The following MUC4 variants were observed in gnomAD, a reference collection of about 807,000 sequenced individuals.
The protein encoded by MUC4 is mucin-4.
A neutral mutation model predicts 257.9 loss-of-function variants in MUC4; 202 were observed. The ratio of observed to expected loss-of-function variants is 0.78; its 90% CI spans 0.70 to 0.88. MUC4 has a LOEUF of 0.88. Among genes scored for constraint, MUC4 ranks in the 40% least tolerant of loss-of-function variants. MUC4 has a pLI of 0.00. For missense variants in MUC4, 5,976 were observed against 6,513.7 expected, an observed-to-expected ratio of 0.92 and a Z score of 2.84; for synonymous variants, 2,351 against 2,757.1, an observed-to-expected ratio of 0.85 and a Z score of 4.62.
intron 1 of MUC4, among the ~76,000 whole-genome samples, chr3:195,799,260 T>TGTGTGTGAGA (rs1553889795): frequency 0.13 from 18,640 of 149,040 alleles, 1,395 homozygotes; most frequent in East Asian, 0.24. Flanking sequence ...TGTGTGTGTG[T>TGTGTGTGAGA]GACACTGTGT....
chr3:195,759,338 CTAA>C (rs1718310778), intron 16 of MUC4, 77 bp from the exon 17 acceptor site: 1 of 1,559,004 alleles, frequency 6.4e-7, no homozygotes, highest in Admixed American at 1.7e-5. Flanking sequence ...TTTCTCAACT[CTAA>C]TATGTGTGAG....
At chr3:195,799,608 C>G (rs993293422) in intron 1 of MUC4, among the ~76,000 whole-genome samples, 2 of 152,150 alleles carry the variant, frequency 1.3e-5, no homozygotes, top group African/African-American at 4.8e-5. Context: ...GGCCTAAACA[C>G]TAAATAATAA....
rs1370125604 is a variant in MUC4, at chr3:195,753,487, C to T, written c.15329-257G>A. The T allele has an allele frequency of 3.5e-5, 18 of 516,416 alleles. 1 individual carries two copies. Among genetic ancestry groups the T allele is most frequent in the South Asian group, 2.7e-4 (10 of 37,066 alleles). The allele number at this position is 516,416 out of a possible 1,614,324, so 32.0% of individuals were successfully genotyped here. On this transcript the variant is annotated intron_variant, in intron 19 of 24. Coordinates refer to ENST00000463781, the MANE Select transcript of MUC4 (RefSeq NM_018406.7). Reference sequence around the variant, plus strand: ...AGACCCTCTGCTTCAGAAAGGACCCCGAAGGCTGGCAGAGGAGGGGCCCCC... The same window carrying T: ...AGACCCTCTGCTTCAGAAAGGACCCTGAAGGCTGGCAGAGGAGGGGCCCCC...
chr3:195,760,560 TGGAGTGGAGGGGG>T (rs1246110171), intron 16 of MUC4, among the ~76,000 whole-genome samples: 1 of 104,526 alleles, frequency 9.6e-6, no homozygotes, highest in African/African-American at 3.4e-5. Context: ...AGCGCTAGGA[TGGAGTGGAGGGGG>T]CTGGGAAGGC....
intron 6 of MUC4, 175 bp from the exon 7 acceptor site, chr3:195,769,327 A>C (rs56703338): frequency 0.085 from 75,603 of 889,414 alleles, 4,236 homozygotes; most frequent in African/African-American, 0.21. Flanking sequence ...CAGTGAGGGC[A>C]GCTTTCACCC....
At position 195,763,503 on chromosome 3, in the gene MUC4, C is replaced by A; in HGVS notation, c.14183G>T (p.Gly4728Val). ...FLLQGRTAQT[G>V]SAQATNFIAF... The stretch of plus-strand genomic sequence containing the variant: ...GATGAAGTTGGTGGCCTGGGCTGAG[C>A]CAGTCTGGGCGGTGCGGCCCTGAAG... The change falls in exon 12 of 25, where the codon GGC becomes GTC. Residue 4728 changes from glycine to valine, a missense_variant. By Grantham distance (109) the Gly-to-Val change is moderately radical. This residue lies in a region of MUC4 where 996 missense variants were observed against 1,137.3 expected (regional missense o/e 0.88). Coordinates refer to ENST00000463781, the MANE Select transcript of MUC4 (RefSeq NM_018406.7). 1 of 1,542,178 alleles carries A rather than the reference C, an allele frequency of 6.5e-7. No homozygotes were observed. The highest frequency in any genetic ancestry group is 2.0e-5 in the Admixed American group (1 of 50,858).
chr3:195,750,304 A>G (rs930744017), intron 23 of MUC4: 19 of 145,100 alleles, frequency 1.3e-4, no homozygotes, highest in African/African-American at 5.0e-4. Context: ...GGCCTGGGGA[A>G]GGTGCTTGGG....
rs1429329693 is a variant in MUC4 at position 195,786,338 on chromosome 3, T to G, written c.5242A>C (p.Thr1748Pro). Residue 1748 changes from threonine (T) to proline (P), a missense_variant, in exon 2 of 25, where the codon ACT becomes CCT. This residue lies in a region of MUC4 where 138 missense variants were observed against 107.8 expected (regional missense o/e 1.28). Transcript: ENST00000463781. ...STGHASPLLV[T>P]DASSASTGQA... ...CCTGTGGATGCTGAGGAAGCGTCAG[T>G]GACAAGAAGAGGGCTGGCGTGACCT... 6.6e-7 allele frequency: 1 copy of G among 1,517,550 alleles called. No homozygotes were observed. Among genetic ancestry groups the G allele is most frequent in the Non-Finnish European group, 8.9e-7 (1 of 1,125,098 alleles). 94.0% of individuals were successfully genotyped at this position (1,517,550 alleles called of 1,614,324 possible).
Position 195,810,293 on chromosome 3 carries a change from C to T in MUC4, c.82+1443G>A, listed in dbSNP as rs1023106507. Reference sequence around the variant, plus strand: ...CCCAGGAAGCTCCTCAAATATGCGCCCAAGAAATATTTTCCCTCGGCGACT... The same window carrying T: ...CCCAGGAAGCTCCTCAAATATGCGCTCAAGAAATATTTTCCCTCGGCGACT... On this transcript the variant is annotated intron_variant, in intron 1 of 24. Transcript: ENST00000463781. This position sits in a 1 kb window ranked among gnomAD's most constrained non-coding sequence, Gnocchi z 4.2. 2 of 152,252 alleles carry T rather than the reference C, an allele frequency of 1.3e-5. No individual in the cohort carries two copies. Among genetic ancestry groups the T allele is most frequent in the Admixed American group, 6.5e-5 (1 of 15,286 alleles). 9.4% of individuals were successfully genotyped at this position (152,252 alleles called of 1,614,324 possible). A position where few individuals can be genotyped will look rare whatever the true frequency, so the allele number is the denominator to read the frequency against.
chr3:195,808,587 G>T (rs1201874235), intron 1 of MUC4, among the ~76,000 whole-genome samples: 16 of 152,266 alleles, frequency 1.1e-4, no homozygotes, highest in African/African-American at 3.6e-4. Flanking sequence ...TTCCCCCTGG[G>T]CTCAGTTTGC....
In MUC4 at chr3:195,764,102, G is replaced by A; in HGVS notation, c.13987C>T (p.Leu4663=). The A allele has an allele frequency of 4.4e-6, 7 of 1,605,980 alleles. No individual in the cohort carries two copies. Among genetic ancestry groups the A allele is most frequent in the Non-Finnish European group, 5.9e-6 (7 of 1,176,856 alleles). ...RWNDKPYLCA[L]YQQRRPHVGC... is the part of the protein sequence containing the mutation. ...ACGTGGGGCCGCCTCTGCTGGTACA[G>A]GGCACAGAGGTAGGGCTTGTCATTC... Residue 4663 remains leucine (L), a synonymous_variant, in exon 11 of 25, where the codon CTG becomes TTG. Transcript: ENST00000463781.
Position 195,753,372 on chromosome 3 carries a change from C to T in MUC4, c.15329-142G>A, listed in dbSNP as rs1001205181. ...CTCGGAACCCCAAACCATCCTTCCC[C>T]CCTTTTCCAGGCGTTTCTCTGCAGG... On this transcript the variant is annotated intron_variant, in intron 19 of 24. Transcript: ENST00000463781. 6.4e-6 allele frequency: 5 copies of T among 787,004 alleles called. No homozygotes were observed. In the East Asian group the frequency reaches 1.5e-4, roughly 23 times the overall value. The allele number at this position is 787,004 out of a possible 1,614,324, so 48.8% of individuals were successfully genotyped here.
chr3:195,762,041 C>T (rs1719078033), intron 14 of MUC4, 46 bp downstream of exon 14: 8 of 1,541,026 alleles, frequency 5.2e-6, no homozygotes, highest in African/African-American at 1.4e-5. Context: ...GTCCGAGCTC[C>T]GGCTGGCTCC....
chr3:195,747,395 A>C lies in MUC4; in HGVS notation c.16035-15T>G, dbSNP rs1251204357. 2 of 1,612,690 alleles carry C rather than the reference A, an allele frequency of 1.2e-6. No homozygotes were observed. Among genetic ancestry groups the C allele is most frequent in the Admixed American group, 3.3e-5 (2 of 59,932 alleles). The stretch of plus-strand genomic sequence containing the variant: ...AGGACACACAGCTGGTGACCAAGAG[A>C]GACAGACAGGCGGTCAGAGGCGGGA... On this transcript the variant is annotated splice_polypyrimidine_tract_variant and intron_variant, in intron 24 of 24. Transcript: ENST00000463781.
chr3:195,787,091 C>G lies in MUC4; in HGVS notation c.4489G>C (p.Ala1497Pro). 3.1e-6 allele frequency: 4 copies of G among 1,308,814 alleles called. No individual in the cohort carries two copies. Among genetic ancestry groups the G allele is most frequent in the South Asian group, 1.3e-5 (1 of 77,290 alleles). The allele number at this position is 1,308,814 out of a possible 1,614,324, so 81.1% of individuals were successfully genotyped here. A position where few individuals can be genotyped will look rare whatever the true frequency, so the allele number is the denominator to read the frequency against. The change falls in exon 2 of 25, where the codon GCA becomes CCA. Residue 1497 changes from alanine to proline, a missense_variant. Physicochemically the swap from Ala to Pro is conservative, Grantham distance 27 (BLOSUM62 -1). Coordinates refer to ENST00000463781, the MANE Select transcript of MUC4 (RefSeq NM_018406.7). Reference sequence around the variant, plus strand: ...AGAGGAGTGACGTGACCTGTGGATGCTGAGGAAGTGCTAGTGACAGGAAGA... The same window carrying G: ...AGAGGAGTGACGTGACCTGTGGATGGTGAGGAAGTGCTAGTGACAGGAAGA... ...TPLPVTSTSS[A>P]STGHVTPLHV... is the part of the protein sequence containing the mutation.
intron 1 of MUC4, among the ~76,000 whole-genome samples, chr3:195,792,093 G>A (rs1733933352): frequency 6.6e-6 from 1 of 152,074 alleles, no homozygotes; most frequent in Admixed American, 6.6e-5. Flanking sequence ...ATTTTATGAT[G>A]AAATCTCCAA....
In MUC4 at chr3:195,751,124, G is replaced by A; in HGVS notation, c.15648-12C>T. 6 of 1,436,534 alleles carry A rather than the reference G, an allele frequency of 4.2e-6. No individual in the cohort carries two copies. Among genetic ancestry groups the A allele is most frequent in the Non-Finnish European group, 3.8e-6 (4 of 1,051,070 alleles). The allele number at this position is 1,436,534 out of a possible 1,614,324, so 89.0% of individuals were successfully genotyped here. Reference sequence around the variant, plus strand: ...GTGCTGCAGAATCGCTGTGTGGGAGGGCAACGGTGAGGGGGGGTGGGGGGC... The same window carrying A: ...GTGCTGCAGAATCGCTGTGTGGGAGAGCAACGGTGAGGGGGGGTGGGGGGC... On this transcript the variant is annotated splice_polypyrimidine_tract_variant and intron_variant, in intron 22 of 24. Transcript: ENST00000463781.
intron 10 of MUC4, 146 bp from the exon 11 acceptor site, chr3:195,764,310 AGGGCAGGGCGGTGTTGGTGGAGAG>A (rs1719938866): frequency 3.1e-6 from 3 of 974,074 alleles, no homozygotes; most frequent in African/African-American, 1.7e-5. Flanking sequence ...AGAGCTTGGC[AGGGCAGGGCGGTGTTGGTGGAGAG>A]CTTGGTAGGG....
At chr3:195,768,979 C>T in intron 7 of MUC4, 43 bp downstream of exon 7, 2 of 1,590,810 alleles carry the variant, frequency 1.3e-6, no homozygotes, top group East Asian at 2.3e-5. Context: ...CTCTACACCC[C>T]TCCCTGCCAA....
Sources: gnomAD v4.1 joint callset for allele counts (sites outside exome capture counted in the v4.1 genomes callset) on GRCh38, gnomAD v4.1.1 for gene constraint, gnomAD v4.1.1 regional missense constraint, Gnocchi (gnomAD v3.1) non-coding constraint, MANE v1.5 for transcripts, NCBI Gene and HGNC (gene_info 2026-07-23, HGNC 2026-07-21) for gene names.